Variants in SDK2 observed in about 807,000 individuals in gnomAD.
The protein encoded by SDK2 is sidekick cell adhesion molecule 2, also known as protein sidekick-2.
A neutral mutation model predicts 253.9 loss-of-function variants in SDK2; 105 were observed. The observed-to-expected ratio is 0.41, with a 90% CI of 0.35 to 0.49. The LOEUF is 0.49. SDK2 is among the 20% of genes least tolerant of loss of function. SDK2 has a pLI of 0.06. For synonymous variants in SDK2, 1,249 were observed against 1,234.9 expected (o/e 1.01, Z -0.24); for missense variants, 2,608 against 3,003.0 (o/e 0.87, Z 3.07).
chr17:73,434,408 C>T (rs2063351901), intron 9 of SDK2, among the ~76,000 whole-genome samples: 1 of 152,222 alleles, frequency 6.6e-6, no homozygotes, highest in Non-Finnish European at 1.5e-5. Flanking sequence ...GAGCTAAGTT[C>T]ACCTGCACTT....
chr17:73,419,521 A>T (rs913985733), intron 15 of SDK2, among the ~76,000 whole-genome samples: 1 of 152,108 alleles, frequency 6.6e-6, no homozygotes, highest in Non-Finnish European at 1.5e-5. Flanking sequence ...GTTGAGGCTC[A>T]AATGATACTA....
In SDK2 at chr17:73,433,846, T is replaced by A. The variant is rs2063346833; in HGVS notation, c.1198A>T (p.Ile400Phe). The A allele has an allele frequency of 6.5e-7, 1 of 1,539,692 alleles. No homozygotes were observed. The highest frequency in any genetic ancestry group is 2.0e-5 in the Admixed American group (1 of 51,072). Residue 400 changes from isoleucine to phenylalanine, a missense_variant and splice_region_variant, in exon 10 of 45, where the codon ATC (isoleucine) becomes TTC (phenylalanine). This residue lies in a region of SDK2 where 1,505 missense variants were observed against 1,859.1 expected (regional missense o/e 0.81). Coordinates refer to ENST00000392650, the MANE Select transcript of SDK2 (RefSeq NM_001144952.2). ...QTSTYLAVTS[I>F]APNITRGPLD... ...GGGCCTCTGGTGATGTTAGGGGCGA[T>A]GCCTGCAAACAGAGAAGTGGGGCCT...
intron 1 of SDK2, among the ~76,000 whole-genome samples, chr17:73,620,737 T>A (rs1331290969): frequency 1.3e-5 from 2 of 152,214 alleles, no homozygotes; most frequent in Non-Finnish European, 2.9e-5. Context: ...GAAAACATTA[T>A]GCTCAGTAAA....
In SDK2 at chr17:73,629,007, C is replaced by T. The variant is rs947607295; in HGVS notation, c.64+15018G>A. Among the ~76,000 whole-genome samples, 9 of 152,122 alleles carry T rather than the reference C, an allele frequency of 5.9e-5. No homozygotes were observed. The highest frequency in any genetic ancestry group is 1.7e-4 in the African/African-American group (7 of 41,426). ...CACCTCCCAATTCTGCTGATTCCTA[C>T]GTGGGGGATGGTGCCAAGGAGGGTC... is the stretch of plus-strand genomic sequence containing the variant. On this transcript the variant is annotated intron_variant, in intron 1 of 44. Transcript: ENST00000392650. The surrounding 1 kb of genome is among the most constrained non-coding windows in gnomAD (Gnocchi z 5.0).
chr17:73,446,752 T>C (rs1290746364), intron 5 of SDK2, among the ~76,000 whole-genome samples: 1 of 152,150 alleles, frequency 6.6e-6, no homozygotes, highest in Admixed American at 6.5e-5. Flanking sequence ...CCCCAGCTTG[T>C]GTGATGGCTC....
chr17:73,477,693 G>A (rs1005258682), intron 2 of SDK2, among the ~76,000 whole-genome samples: 1 of 152,142 alleles, frequency 6.6e-6, no homozygotes, highest in African/African-American at 2.4e-5. Context: ...CCTAGAATGG[G>A]GATCCTCTAG....
intron 1 of SDK2, among the ~76,000 whole-genome samples, chr17:73,546,017 G>T (rs2044957725): frequency 6.6e-6 from 1 of 152,088 alleles, no homozygotes. Flanking sequence ...TCAGACCCCA[G>T]GGCTCAAAAG....
intron 15 of SDK2, among the ~76,000 whole-genome samples, chr17:73,419,886 A>G (rs924342504): frequency 1.3e-5 from 2 of 151,292 alleles, no homozygotes; most frequent in East Asian, 1.9e-4. Context: ...TCTCAAAAAA[A>G]AAAAAAAAAT....
rs572206189 is a variant in SDK2, at chr17:73,336,427, T to A, written c.*2160A>T. 2 of 152,234 alleles carry A rather than the reference T, an allele frequency of 1.3e-5. No individual in the cohort carries two copies. Among genetic ancestry groups the A allele is most frequent in the African/African-American group, 4.8e-5 (2 of 41,436 alleles). 9.4% of individuals were successfully genotyped at this position (152,234 alleles called of 1,614,324 possible). On this transcript the variant is annotated 3_prime_UTR_variant, in exon 45 of 45. Coordinates refer to ENST00000392650, the MANE Select transcript of SDK2 (RefSeq NM_001144952.2). ...GCCCTTGGTTCTCCTTTGGGGAAGA[T>A]TGTGCTTCCCTTCCCAGGCCTCCTT...
intron 1 of SDK2, among the ~76,000 whole-genome samples, chr17:73,581,734 C>T (rs1335156129): frequency 6.6e-6 from 1 of 152,242 alleles, no homozygotes; most frequent in Non-Finnish European, 1.5e-5. Flanking sequence ...TCTTCTGCAG[C>T]CTGTCTGCAC....
chr17:73,369,772 G>A (rs2062719415), intron 36 of SDK2, among the ~76,000 whole-genome samples: 1 of 152,002 alleles, frequency 6.6e-6, no homozygotes, highest in Admixed American at 6.6e-5. Flanking sequence ...TCAGCCTCCC[G>A]AGTAGCTGGG....
chr17:73,391,804 A>C (rs920820718), intron 27 of SDK2, among the ~76,000 whole-genome samples: 12 of 152,206 alleles, frequency 7.9e-5, no homozygotes, highest in African/African-American at 2.9e-4. Flanking sequence ...GTCTGTATAC[A>C]CGCCCCAGAA....
At chr17:73,453,787 A>G (rs1382027477) in intron 4 of SDK2, among the ~76,000 whole-genome samples, 1 of 152,166 alleles carries the variant, frequency 6.6e-6, no homozygotes, top group Non-Finnish European at 1.5e-5. Flanking sequence ...GGAGCTTTTA[A>G]AATTTCTGAT....
At chr17:73,483,298 A>C (rs2063738515) in intron 2 of SDK2, among the ~76,000 whole-genome samples, 1 of 149,114 alleles carries the variant, frequency 6.7e-6, no homozygotes, top group Non-Finnish European at 1.5e-5. Context: ...GCACCGACAC[A>C]AGACAGAACT....
At chr17:73,424,130 G>A (rs745503540) in intron 12 of SDK2, 38 bp from the exon 13 acceptor site, 1 of 1,570,414 alleles carries the variant, frequency 6.4e-7, no homozygotes, top group Non-Finnish European at 8.7e-7. Context: ...AGAGGGAGAG[G>A]AAGGTACCTT....
At position 73,643,975 on chromosome 17, in the gene SDK2, G is replaced by A. The variant is rs775309097; in HGVS notation, c.64+50C>T. The stretch of plus-strand genomic sequence containing the variant: ...GGCCAGCTCCCGCCGCCCCTCCCCC[G>A]CCCACTCTCCCAGCCCCCTCCCTGT... On this transcript the variant is annotated intron_variant, in intron 1 of 44. Transcript: ENST00000392650. This position sits in a 1 kb window ranked among gnomAD's most constrained non-coding sequence, Gnocchi z 6.9. The A allele has an allele frequency of 2.7e-5, 9 of 335,324 alleles. No homozygotes were observed. The highest frequency in any genetic ancestry group is 7.5e-5 in the East Asian group (1 of 13,400). The allele number at this position is 335,324 out of a possible 1,614,324, so 20.8% of individuals were successfully genotyped here.
intron 1 of SDK2, among the ~76,000 whole-genome samples, chr17:73,631,633 G>A (rs1599740052): frequency 6.6e-6 from 1 of 152,208 alleles, no homozygotes; most frequent in African/African-American, 2.4e-5. Context: ...AAACCCTGGT[G>A]GGGGACTGGG....
At position 73,338,934 on chromosome 17, in the gene SDK2, C is replaced by G; in HGVS notation, c.6172G>C (p.Asp2058His). The change falls in exon 45 of 45, where the codon GAC (aspartate) becomes CAC (histidine). Residue 2058 changes from aspartate (D) to histidine (H), a missense_variant. By Grantham distance (81) the Asp-to-His change is moderately conservative. This residue lies in a region of SDK2 where 1,103 missense variants were observed against 1,143.9 expected (regional missense o/e 0.96). Transcript: ENST00000392650. The surrounding 1 kb of genome is among the most constrained non-coding windows in gnomAD (Gnocchi z 5.0). The stretch of plus-strand genomic sequence containing the variant: ...TTTGAGTCGACCTCGTACTCGCTGT[C>G]ACTTCCCTGGGAGGACAGAGAATCA... ...PSEISDSQGS[D>H]SEYEVDSNHQ... 1 of 1,613,950 alleles carries G rather than the reference C, an allele frequency of 6.2e-7. No individual in the cohort carries two copies. Among genetic ancestry groups the G allele is most frequent in the Non-Finnish European group, 8.5e-7 (1 of 1,179,836 alleles).
rs2046416067 is a variant in SDK2, at chr17:73,642,931, C to G, written c.64+1094G>C. The G allele has an allele frequency of 6.6e-6, 1 of 152,228 alleles. No individual in the cohort carries two copies. Among genetic ancestry groups the G allele is most frequent in the Non-Finnish European group, 1.5e-5 (1 of 68,108 alleles). 9.4% of individuals were successfully genotyped at this position (152,228 alleles called of 1,614,324 possible). ...GGGAGTGGGTTGCAGCCCCCACAGT[C>G]CGGACCCCTAGGGTGGGTCTGGCCC... On this transcript the variant is annotated intron_variant, in intron 1 of 44. Transcript: ENST00000392650. This position sits in a 1 kb window ranked among gnomAD's most constrained non-coding sequence, Gnocchi z 4.7.
Sources: allele counts gnomAD v4.1 joint callset (sites outside exome capture counted in the v4.1 genomes callset), GRCh38; gene constraint gnomAD v4.1.1; regional missense constraint gnomAD v4.1.1; non-coding constraint Gnocchi (gnomAD v3.1); transcripts MANE v1.5; gene names NCBI Gene and HGNC (gene_info 2026-07-23, HGNC 2026-07-21).